The following VPS53 variants were observed in gnomAD, a reference collection of about 807,000 sequenced individuals.
VPS53 encodes the protein VPS53 subunit of GARP complex, also known as vacuolar protein sorting-associated protein 53 homolog.
Under a neutral mutation model 107.0 loss-of-function variants are expected in VPS53, and 70 were observed. The observed-to-expected ratio is 0.65, with a 90% confidence interval of 0.54 to 0.80. VPS53 has a LOEUF of 0.80. Ranked by LOEUF, VPS53 falls within the 30% of genes least tolerant of loss-of-function variation. VPS53 has a pLI of 0.00. For missense variants in VPS53, 917 were observed against 1,049.4 expected (o/e 0.87, Z 1.74); for synonymous variants, 409 against 393.3 (o/e 1.04, Z -0.47).
chr17:606,180 A>C (rs950473890), intron 11 of VPS53, among the ~76,000 whole-genome samples: 1 of 152,100 alleles, frequency 6.6e-6, no homozygotes, highest in East Asian at 1.9e-4. Flanking sequence ...TGAGAGAGTG[A>C]GAACGAGGGT....
At chr17:609,390 TTGTCTAC>T (rs1376249127) in intron 11 of VPS53, among the ~76,000 whole-genome samples, 1 of 152,254 alleles carries the variant, frequency 6.6e-6, no homozygotes. Context: ...TGGTTATTCC[TTGTCTAC>T]TGATGTTTCT....
At chr17:651,914 G>C (rs1970967201) in intron 7 of VPS53, among the ~76,000 whole-genome samples, 2 of 151,982 alleles carry the variant, frequency 1.3e-5, no homozygotes, top group South Asian at 2.1e-4. Flanking sequence ...TCTGAATCTG[G>C]GATTAAAACT....
intron 19 of VPS53, chr17:523,491 A>C (rs1444921985): frequency 1.3e-5 from 2 of 152,214 alleles, no homozygotes; most frequent in African/African-American, 4.8e-5. Flanking sequence ...TTTCCTATTT[A>C]CTTTGCTTTG....
intron 19 of VPS53, 43 bp downstream of exon 19, chr17:532,799 A>G: frequency 6.2e-7 from 1 of 1,610,536 alleles, no homozygotes; most frequent in Non-Finnish European, 8.5e-7. Context: ...TTGATCTACA[A>G]CAAAAGCTGC....
chr17:539,460 G>T (rs1364434923), intron 17 of VPS53, among the ~76,000 whole-genome samples: 1 of 152,224 alleles, frequency 6.6e-6, no homozygotes, highest in African/African-American at 2.4e-5. Context: ...AGGCCAAGTG[G>T]ATTCATGATT....
intron 11 of VPS53, among the ~76,000 whole-genome samples, chr17:613,375 T>C (rs34993627): frequency 6.6e-6 from 1 of 150,400 alleles, no homozygotes; most frequent in Non-Finnish European, 1.5e-5. Flanking sequence ...TGCACAGATA[T>C]TCACAGCAGT....
At chr17:554,947 T>C (rs1414973166) in intron 15 of VPS53, among the ~76,000 whole-genome samples, 1 of 152,236 alleles carries the variant, frequency 6.6e-6, no homozygotes, top group Non-Finnish European at 1.5e-5. Context: ...CAATATTTAA[T>C]GAGAGCCCGC....
intron 4 of VPS53, among the ~76,000 whole-genome samples, chr17:666,008 C>CA (rs939935596): frequency 5.4e-5 from 8 of 148,810 alleles, no homozygotes; most frequent in Non-Finnish European, 8.9e-5. Context: ...CTGTCCCGAC[C>CA]AAAAAAAAAG....
chr17:540,750 C>T (rs548698955), intron 17 of VPS53, among the ~76,000 whole-genome samples: 6 of 152,218 alleles, frequency 3.9e-5, no homozygotes, highest in African/African-American at 1.4e-4. Flanking sequence ...AGTTTGAAGA[C>T]AGTAAGAATG....
intron 15 of VPS53, 138 bp from the exon 16 acceptor site, chr17:553,600 C>T (rs766964859): frequency 2.5e-5 from 17 of 669,654 alleles, no homozygotes; most frequent in Admixed American, 2.8e-5. Flanking sequence ...TTTTGAGACT[C>T]GCTCTTGTTG....
At chr17:599,326 A>C (rs571218918) in intron 12 of VPS53, among the ~76,000 whole-genome samples, 20 of 152,332 alleles carry the variant, frequency 1.3e-4, no homozygotes, top group African/African-American at 4.6e-4. Context: ...AAAGGTGGGG[A>C]AAAGATTGAG....
At chr17:629,342 G>A (rs1249380705) in intron 8 of VPS53, among the ~76,000 whole-genome samples, 1 of 152,176 alleles carries the variant, frequency 6.6e-6, no homozygotes, top group Admixed American at 6.5e-5. Context: ...CACGGGTTCA[G>A]ATTTTTTCAT....
chr17:692,421 T>A (rs1458094911), intron 4 of VPS53, among the ~76,000 whole-genome samples: 1 of 152,172 alleles, frequency 6.6e-6, no homozygotes, highest in Non-Finnish European at 1.5e-5. Flanking sequence ...ATCGTCTGGT[T>A]AGAAGAGGTC....
chr17:693,587 A>T (rs964547233), intron 4 of VPS53, among the ~76,000 whole-genome samples: 4 of 152,166 alleles, frequency 2.6e-5, no homozygotes, highest in African/African-American at 9.7e-5. Flanking sequence ...AATTAAAAAT[A>T]GCTGTGTGTG....
At chr17:711,098 T>C (rs1467970849) in intron 1 of VPS53, among the ~76,000 whole-genome samples, 2 of 152,136 alleles carry the variant, frequency 1.3e-5, no homozygotes, top group Admixed American at 1.3e-4. Context: ...TAGTCCCAGC[T>C]ACGTGGGAGG....
intron 4 of VPS53, among the ~76,000 whole-genome samples, chr17:692,256 C>T (rs896421924): frequency 6.6e-6 from 1 of 152,160 alleles, no homozygotes; most frequent in Non-Finnish European, 1.5e-5. Flanking sequence ...TCTTGGGAAG[C>T]TGCAAAAATT....
At chr17:645,013 T>C (rs73975792) in intron 7 of VPS53, among the ~76,000 whole-genome samples, 3,867 of 152,356 alleles carry the variant, frequency 0.025, 62 homozygotes, top group East Asian at 0.069. Flanking sequence ...TGATAATGAA[T>C]GTTTGGAGCA....
chr17:596,515 A>G (rs1967982426), intron 12 of VPS53, among the ~76,000 whole-genome samples: 1 of 152,164 alleles, frequency 6.6e-6, no homozygotes. Flanking sequence ...CCCCACCAAC[A>G]GCACTCTTCT....
At chr17:569,680 AGGCCGAGGT>A (rs1358932136) in intron 13 of VPS53, among the ~76,000 whole-genome samples, 1 of 152,122 alleles carries the variant, frequency 6.6e-6, no homozygotes, top group Non-Finnish European at 1.5e-5. Context: ...ACATCTAGGG[AGGCCGAGGT>A]GGGCAGATCA....
Sources: allele counts gnomAD v4.1 joint callset (sites outside exome capture counted in the v4.1 genomes callset), GRCh38; gene constraint gnomAD v4.1.1; transcripts MANE v1.5; gene names NCBI Gene and HGNC (gene_info 2026-07-23, HGNC 2026-07-21).